Variants in COL11A1 observed in about 807,000 individuals in gnomAD.
COL11A1 encodes collagen type XI alpha 1 chain.
In COL11A1, 74 loss-of-function variants were observed where a neutral mutation model predicts 265.2. The ratio of observed to expected loss-of-function variants is 0.28; its 90% CI spans 0.23 to 0.34. The LOEUF is 0.34. Among genes scored for constraint, COL11A1 ranks in the 10% least tolerant of loss-of-function variants. COL11A1 has a pLI of 1.00. For synonymous variants in COL11A1, 816 were observed against 727.6 expected, an observed-to-expected ratio of 1.12 and a Z score of -1.96; for missense variants, 2,165 against 2,263.6, an observed-to-expected ratio of 0.96 and a Z score of 0.88.
At chr1:103,077,583 C>A (rs559468738) in intron 3 of COL11A1, among the ~76,000 whole-genome samples, 1 of 151,790 alleles carries the variant, frequency 6.6e-6, no homozygotes, top group Admixed American at 6.6e-5. Context: ...GTGGTCCTGA[C>A]AAAAATATAA....
At chr1:103,031,926 A>G (rs374803110) in intron 4 of COL11A1, among the ~76,000 whole-genome samples, 1 of 152,104 alleles carries the variant, frequency 6.6e-6, no homozygotes. Context: ...ATAAAATCAA[A>G]ACATTAGTAA....
At chr1:103,038,212 T>C (rs914847395) in intron 4 of COL11A1, among the ~76,000 whole-genome samples, 1 of 152,092 alleles carries the variant, frequency 6.6e-6, no homozygotes, top group Non-Finnish European at 1.5e-5. Context: ...CCAGTAATAC[T>C]AGCACTTCGG....
At chr1:103,093,437 G>GA (rs200359982) in intron 1 of COL11A1, among the ~76,000 whole-genome samples, 26 of 150,788 alleles carry the variant, frequency 1.7e-4, no homozygotes, top group Middle Eastern at 3.4e-3. Flanking sequence ...CCCTATTCTG[G>GA]AAAAAAAAAT....
intron 63 of COL11A1, 35 bp downstream of exon 63, chr1:102,886,772 C>T (rs147055756): frequency 3.6e-5 from 58 of 1,613,438 alleles, no homozygotes; most frequent in East Asian, 8.9e-5. Flanking sequence ...CTCAGGGGCT[C>T]GGTACATTTG....
chr1:103,057,720 C>G (rs988673632), intron 4 of COL11A1, among the ~76,000 whole-genome samples: 7 of 152,084 alleles, frequency 4.6e-5, no homozygotes, highest in African/African-American at 7.2e-5. Context: ...TGTCAATGAG[C>G]AGTAATATTT....
intron 41 of COL11A1, among the ~76,000 whole-genome samples, chr1:102,953,245 T>A (rs1027860767): frequency 6.6e-6 from 1 of 152,192 alleles, no homozygotes; most frequent in Non-Finnish European, 1.5e-5. Context: ...TAGAGGTTTT[T>A]GATTTTTCTT....
chr1:103,065,328 G>A (rs12734491), intron 4 of COL11A1, among the ~76,000 whole-genome samples: 5,721 of 151,818 alleles, frequency 0.038, 125 homozygotes, highest in Middle Eastern at 0.092. Context: ...AGACCATCCC[G>A]GCTAACACGG....
intron 20 of COL11A1, 43 bp from the exon 21 acceptor site, chr1:103,003,311 ATGTCC>A: frequency 4.1e-6 from 6 of 1,457,994 alleles, no homozygotes; most frequent in Non-Finnish European, 5.7e-6. Context: ...AAAAAAAAAA[ATGTCC>A]TAATAACATG....
intron 4 of COL11A1, among the ~76,000 whole-genome samples, chr1:103,053,829 T>G (rs949812126): frequency 6.6e-6 from 1 of 152,246 alleles, no homozygotes; most frequent in Non-Finnish European, 1.5e-5. Flanking sequence ...AAAAACATCT[T>G]ACATTTTAAA....
chr1:103,015,751 AT>A lies in COL11A1; in HGVS notation c.1414-10del, dbSNP rs1557948445. 6.4e-7 allele frequency: 1 copy of A among 1,555,514 alleles called. No homozygotes were observed. The highest frequency in any genetic ancestry group is 1.7e-5 in the Admixed American group (1 of 57,780). ...GGACGTCCTGGGGGGCCCTAGAAAAATAAATGAAATAACCAAAATAAATAAA... is the reference window on the plus strand; with the variant it reads ...GGACGTCCTGGGGGGCCCTAGAAAAAAAATGAAATAACCAAAATAAATAAA... On this transcript the variant is annotated splice_polypyrimidine_tract_variant and intron_variant, in intron 11 of 66. Coordinates refer to ENST00000370096, the MANE Select transcript of COL11A1 (RefSeq NM_001854.4).
intron 35 of COL11A1, among the ~76,000 whole-genome samples, chr1:102,978,221 T>A (rs1284587586): frequency 6.6e-6 from 1 of 152,174 alleles, no homozygotes; most frequent in Non-Finnish European, 1.5e-5. Context: ...TTACATCAAT[T>A]AAAAATCAAT....
At chr1:102,882,673 C>T (rs542265976) in intron 64 of COL11A1, among the ~76,000 whole-genome samples, 92 of 152,236 alleles carry the variant, frequency 6.0e-4, no homozygotes, top group Non-Finnish European at 1.1e-3. Context: ...CGTGAACAAA[C>T]TTTCTTTACA....
chr1:102,887,052 G>A lies in COL11A1; in HGVS notation c.4613C>T (p.Pro1538Leu), dbSNP rs1474325280. The A allele has an allele frequency of 1.9e-6, 3 of 1,613,656 alleles. No homozygotes were observed. Among genetic ancestry groups the A allele is most frequent in the Non-Finnish European group, 2.5e-6 (3 of 1,179,772 alleles). The stretch of plus-strand genomic sequence containing the variant: ...TAAAGGCTGAATGACTTCACCAGGT[G>A]GACCCTGTAAAGAAGATAATGTGAG... ...GLPGPPGSPG[P>L]PGEVIQPLPI... Residue 1538 changes from proline (P) to leucine (L), a missense_variant, in exon 63 of 67, where the codon CCA becomes CTA. Pro to Leu is a moderately conservative substitution (Grantham distance 98, BLOSUM62 -3). Coordinates refer to ENST00000370096, the MANE Select transcript of COL11A1 (RefSeq NM_001854.4).
At chr1:102,939,494 T>A (rs532733249) in intron 43 of COL11A1, among the ~76,000 whole-genome samples, 1 of 151,860 alleles carries the variant, frequency 6.6e-6, no homozygotes, top group Non-Finnish European at 1.5e-5. Context: ...GGCCCAGGAG[T>A]TTAAGATCAG....
rs1421941501 is a variant in COL11A1 at position 103,027,396 on chromosome 1, A to AAAAT, written c.781-1065_781-1064insATTT. On this transcript the variant is annotated intron_variant, in intron 5 of 66. Coordinates refer to ENST00000370096, the MANE Select transcript of COL11A1 (RefSeq NM_001854.4). Reference sequence around the variant, plus strand: ...AGTAAACTCAACAAGTTAAAACTCTAATATATATATATATATATATATATA... The same window carrying AAAAT: ...AGTAAACTCAACAAGTTAAAACTCTAAAATATATATATATATATATATATATATA... Among the ~76,000 whole-genome samples, 270 of 92,058 alleles carry AAAAT rather than the reference A, an allele frequency of 2.9e-3. 6 individuals are homozygous for AAAAT. The highest frequency in any genetic ancestry group is 7.1e-3 in the East Asian group (24 of 3,390). 60.4% of individuals were successfully genotyped at this position (92,058 alleles called of 152,430 possible).
intron 4 of COL11A1, among the ~76,000 whole-genome samples, chr1:103,065,392 C>A (rs188306070): frequency 7.3e-4 from 111 of 151,618 alleles, no homozygotes; most frequent in Non-Finnish European, 1.0e-3. Context: ...TGTTGGCAGG[C>A]GCCTGTAGTC....
At chr1:103,022,048 T>C (rs1667135605) in intron 8 of COL11A1, among the ~76,000 whole-genome samples, 1 of 148,770 alleles carries the variant, frequency 6.7e-6, no homozygotes, top group Non-Finnish European at 1.5e-5. Flanking sequence ...TAGAGATCGG[T>C]TTTCGCCGTG....
intron 28 of COL11A1, 106 bp from the exon 29 acceptor site, chr1:102,989,677 T>C (rs1663935221): frequency 4.2e-6 from 3 of 712,748 alleles, no homozygotes; most frequent in African/African-American, 3.6e-5. Flanking sequence ...AAAATTATTT[T>C]TGAGAAATGT....
At chr1:103,072,305 T>C (rs1052856499) in intron 4 of COL11A1, among the ~76,000 whole-genome samples, 6 of 151,932 alleles carry the variant, frequency 3.9e-5, no homozygotes, top group Admixed American at 2.0e-4. Context: ...ATTCTATTAA[T>C]GTAGGGCAGT....
Sources: gnomAD v4.1 joint callset for allele counts (sites outside exome capture counted in the v4.1 genomes callset) on GRCh38, gnomAD v4.1.1 for gene constraint, MANE v1.5 for transcripts, NCBI Gene and HGNC (gene_info 2026-07-23, HGNC 2026-07-21) for gene names.